The following RBM33 variants were observed in gnomAD, a reference collection of about 807,000 sequenced individuals.
The protein encoded by RBM33 is RNA-binding protein 33.
RBM33 carries 28 observed loss-of-function variants against 132.6 expected under a neutral mutation model. The observed-to-expected ratio is 0.21, with a 90% confidence interval of 0.16 to 0.29. The LOEUF (loss-of-function observed/expected upper bound fraction) is 0.29. Among genes scored for constraint, RBM33 ranks in the 10% least tolerant of loss-of-function variants. The probability of loss-of-function intolerance (pLI) is 1.00; values close to 1 mark genes in which losing one functional copy is unlikely to be tolerated. For missense variants in RBM33, 1,291 were observed against 1,518.5 expected, an observed-to-expected ratio of 0.85 and a Z score of 2.49; for synonymous variants, 634 against 593.0, an observed-to-expected ratio of 1.07 and a Z score of -1.01.
intron 2 of RBM33, among the ~76,000 whole-genome samples, chr7:155,668,737 GC>G (rs1798866339): frequency 6.6e-6 from 1 of 152,214 alleles, no homozygotes; most frequent in Non-Finnish European, 1.5e-5. Context: ...TAAGAAGTCA[GC>G]CCTAGCACTT....
chr7:155,715,945 G>A (rs984266474), intron 8 of RBM33, among the ~76,000 whole-genome samples: 1 of 152,224 alleles, frequency 6.6e-6, no homozygotes, highest in Non-Finnish European at 1.5e-5. Context: ...TTCTGAGGAT[G>A]AAGAGTGTTC....
intron 8 of RBM33, among the ~76,000 whole-genome samples, chr7:155,713,209 T>C (rs1021841237): frequency 1.3e-5 from 2 of 152,006 alleles, no homozygotes; most frequent in African/African-American, 4.8e-5. Flanking sequence ...GTGCATTAAA[T>C]TTGAGATGCC....
chr7:155,666,339 A>T (rs1798800869), intron 2 of RBM33, among the ~76,000 whole-genome samples: 1 of 152,084 alleles, frequency 6.6e-6, no homozygotes. Context: ...AATTTGCCCA[A>T]CTCCAACTTT....
At chr7:155,759,567 G>A (rs568226942) in intron 14 of RBM33, among the ~76,000 whole-genome samples, 1 of 151,846 alleles carries the variant, frequency 6.6e-6, no homozygotes, top group Non-Finnish European at 1.5e-5. Flanking sequence ...ACAGGCGCCC[G>A]CCACCGCGCC....
intron 3 of RBM33, among the ~76,000 whole-genome samples, chr7:155,673,278 T>G (rs549301609): frequency 6.6e-6 from 1 of 152,242 alleles, no homozygotes; most frequent in African/African-American, 2.4e-5. Flanking sequence ...CATTCAGAGA[T>G]AAGCTTAAAG....
intron 9 of RBM33, among the ~76,000 whole-genome samples, chr7:155,727,104 A>G (rs565827256): frequency 6.6e-6 from 1 of 152,316 alleles, no homozygotes; most frequent in East Asian, 1.9e-4. Flanking sequence ...TTTTTTGCAT[A>G]AAAATGAAAA....
intron 5 of RBM33, among the ~76,000 whole-genome samples, chr7:155,690,283 G>A (rs1799598340): frequency 6.6e-6 from 1 of 152,114 alleles, no homozygotes; most frequent in Non-Finnish European, 1.5e-5. Context: ...TCAGAGAGTA[G>A]GATTGTATCC....
chr7:155,755,846 T>C (rs987052550), intron 14 of RBM33, among the ~76,000 whole-genome samples: 1 of 152,158 alleles, frequency 6.6e-6, no homozygotes. Flanking sequence ...ATGATTAAGC[T>C]GATAAAAAGT....
chr7:155,691,036 T>C (rs1222473456), intron 5 of RBM33, among the ~76,000 whole-genome samples: 1 of 152,206 alleles, frequency 6.6e-6, no homozygotes, highest in Admixed American at 6.5e-5. Flanking sequence ...TTGGGGAAGC[T>C]CTCCTGGATA....
At position 155,776,391 on chromosome 7, in the gene RBM33, G is replaced by A. The variant is rs763503874; in HGVS notation, c.*1350G>A. On this transcript the variant is annotated 3_prime_UTR_variant, in exon 18 of 18. Coordinates refer to ENST00000401878, the MANE Select transcript of RBM33 (RefSeq NM_053043.3). This position sits in a 1 kb window ranked among gnomAD's most constrained non-coding sequence, Gnocchi z 4.0. Reference sequence around the variant, plus strand: ...CCCGTTCTTTCTTACTGCCCCTGGAGGGAGCATGGCGCTAGGGCTCTCAGC... The same window carrying A: ...CCCGTTCTTTCTTACTGCCCCTGGAAGGAGCATGGCGCTAGGGCTCTCAGC... 6 of 152,254 alleles carry A rather than the reference G, an allele frequency of 3.9e-5. 1 individual carries two copies. The highest frequency in any genetic ancestry group is 6.3e-3 in the Middle Eastern group (2 of 316). 9.4% of individuals were successfully genotyped at this position (152,254 alleles called of 1,614,324 possible). A position where few individuals can be genotyped will look rare whatever the true frequency, so the allele number is the denominator to read the frequency against.
chr7:155,766,359 A>C, intron 15 of RBM33, 108 bp from the exon 16 acceptor site: 1 of 1,218,592 alleles, frequency 8.2e-7, no homozygotes, highest in Non-Finnish European at 1.1e-6. Flanking sequence ...CCTGTAGCTC[A>C]TGGTATATTT....
intron 16 of RBM33, among the ~76,000 whole-genome samples, chr7:155,771,551 A>G (rs1451393427): frequency 6.6e-6 from 1 of 152,184 alleles, no homozygotes; most frequent in Non-Finnish European, 1.5e-5. Flanking sequence ...TCTCAATCAA[A>G]TCGAGGTTTT....
intron 13 of RBM33, among the ~76,000 whole-genome samples, chr7:155,742,874 G>A (rs531111435): frequency 6.6e-6 from 1 of 152,338 alleles, no homozygotes; most frequent in African/African-American, 2.4e-5. Context: ...GCAGAAGGCT[G>A]GCACCTGGAG....
At chr7:155,746,711 C>T (rs1801528256) in intron 14 of RBM33, 1 of 152,156 alleles carries the variant, frequency 6.6e-6, no homozygotes, top group Admixed American at 6.5e-5. Context: ...AATTCTATAA[C>T]AAATACTATG....
chr7:155,661,086 TGTGTGTGTGTG>T (rs1251374444), intron 1 of RBM33, among the ~76,000 whole-genome samples: 8 of 136,150 alleles, frequency 5.9e-5, no homozygotes, highest in Middle Eastern at 3.5e-3. Context: ...ATAATTTCTG[TGTGTGTGTGTG>T]GTGTGTGTGT....
chr7:155,645,048 A>G (rs1343006830), intron 1 of RBM33, 129 bp downstream of exon 1: 16 of 644,124 alleles, frequency 2.5e-5, no homozygotes, highest in Middle Eastern at 2.5e-4. Flanking sequence ...TGTTCGGCCT[A>G]TTCCGTTTTC....
intron 6 of RBM33, among the ~76,000 whole-genome samples, chr7:155,706,282 G>T (rs972325032): frequency 6.6e-6 from 1 of 152,140 alleles, no homozygotes; most frequent in South Asian, 2.1e-4. Flanking sequence ...GCCTGAACTC[G>T]GGAGTTCGGG....
At chr7:155,733,699 T>C (rs887848576) in intron 9 of RBM33, among the ~76,000 whole-genome samples, 1 of 152,216 alleles carries the variant, frequency 6.6e-6, no homozygotes. Flanking sequence ...TCAGTCACTG[T>C]ACGGTAGGGA....
At chr7:155,770,294 C>T (rs1054294790) in intron 16 of RBM33, among the ~76,000 whole-genome samples, 3 of 152,198 alleles carry the variant, frequency 2.0e-5, no homozygotes, top group East Asian at 3.9e-4. Context: ...CTCAGCCCAC[C>T]GCTGGAATCG....
Sources: gnomAD v4.1 joint callset for allele counts (sites outside exome capture counted in the v4.1 genomes callset) on GRCh38, gnomAD v4.1.1 for gene constraint, Gnocchi (gnomAD v3.1) non-coding constraint, MANE v1.5 for transcripts, NCBI Gene and HGNC (gene_info 2026-07-23, HGNC 2026-07-21) for gene names.